Variants in CDK19 observed in about 807,000 individuals in gnomAD.
CDK19 encodes the protein cyclin-dependent kinase 19.
In CDK19, 20 loss-of-function variants were observed where a neutral mutation model predicts 68.3. The ratio of observed to expected loss-of-function variants is 0.29; its 90% CI spans 0.21 to 0.43. The LOEUF (loss-of-function observed/expected upper bound fraction) is 0.43. Ranked by LOEUF, CDK19 falls within the 20% of genes least tolerant of loss-of-function variation. The pLI is 1.00. For missense variants in CDK19, 339 were observed against 623.5 expected, an observed-to-expected ratio of 0.54 and a Z score of 4.86; for synonymous variants, 221 against 222.8, an observed-to-expected ratio of 0.99 and a Z score of 0.07.
chr6:110,710,602 T>C (rs992469792), intron 2 of CDK19, among the ~76,000 whole-genome samples: 6 of 152,220 alleles, frequency 3.9e-5, no homozygotes, highest in South Asian at 4.1e-4. Flanking sequence ...ACCAGGAGAT[T>C]TGCTGTCTGG....
intron 2 of CDK19, among the ~76,000 whole-genome samples, chr6:110,722,517 A>T (rs1214456935): frequency 6.6e-6 from 1 of 151,314 alleles, no homozygotes; most frequent in Non-Finnish European, 1.5e-5. Flanking sequence ...TAGGCAATAT[A>T]GTGAGATCTC....
chr6:110,773,941 T>C (rs1583069635), intron 1 of CDK19: 1 of 152,140 alleles, frequency 6.6e-6, no homozygotes, highest in East Asian at 1.9e-4. Context: ...CTGGAATCTA[T>C]GAACACAGCA....
intron 2 of CDK19, among the ~76,000 whole-genome samples, chr6:110,741,487 A>T (rs1039576079): frequency 3.3e-5 from 5 of 151,734 alleles, no homozygotes; most frequent in Admixed American, 1.3e-4. Flanking sequence ...AATAAATTAA[A>T]AAAAAAAAGA....
At chr6:110,619,619 C>G (rs1397280005) in intron 12 of CDK19, among the ~76,000 whole-genome samples, 1 of 151,710 alleles carries the variant, frequency 6.6e-6, no homozygotes, top group Non-Finnish European at 1.5e-5. Context: ...CAAAAATCCC[C>G]CACCTTTAAA....
intron 1 of CDK19, among the ~76,000 whole-genome samples, chr6:110,804,530 T>C (rs766332709): frequency 3.6e-4 from 54 of 151,656 alleles, no homozygotes; most frequent in Non-Finnish European, 5.0e-4. Context: ...TTGTATTTTT[T>C]AGTAGAGACG....
chr6:110,814,379 G>C (rs1783393811), intron 1 of CDK19, among the ~76,000 whole-genome samples: 2 of 152,252 alleles, frequency 1.3e-5, no homozygotes, highest in Admixed American at 6.5e-5. Context: ...TTCAGAATGT[G>C]AGAATGAGAA....
chr6:110,744,658 C>T (rs1178837082), intron 2 of CDK19, among the ~76,000 whole-genome samples: 1 of 152,184 alleles, frequency 6.6e-6, no homozygotes, highest in Non-Finnish European at 1.5e-5. Context: ...ATGTCAGACA[C>T]TATGGTAGGA....
chr6:110,688,790 C>T (rs374550118), intron 2 of CDK19, among the ~76,000 whole-genome samples: 9 of 152,302 alleles, frequency 5.9e-5, no homozygotes, highest in South Asian at 2.1e-4. Flanking sequence ...CAGGGGACCT[C>T]GTGGAAGTCA....
intron 2 of CDK19, among the ~76,000 whole-genome samples, chr6:110,711,609 G>A (rs1394569458): frequency 6.6e-6 from 1 of 152,174 alleles, no homozygotes; most frequent in East Asian, 1.9e-4. Context: ...TAAGTCAAAG[G>A]AAAATATCAG....
intron 4 of CDK19, among the ~76,000 whole-genome samples, chr6:110,666,424 CAAAAAAAAAAAAAAAAAAAA>C (rs57791161): frequency 2.1e-5 from 1 of 47,928 alleles, no homozygotes; most frequent in Non-Finnish European, 4.1e-5. Context: ...GACTCTGTCT[CAAAAAAAAAAAAAAAAAAAA>C]AAAAAAAAAA....
intron 1 of CDK19, among the ~76,000 whole-genome samples, chr6:110,784,103 G>A (rs1163878783): frequency 1.6e-5 from 2 of 127,784 alleles, no homozygotes; most frequent in African/African-American, 3.1e-5. Flanking sequence ...AGGCTGCAGC[G>A]AACCAAGATC....
At chr6:110,719,875 C>T (rs551386148) in intron 2 of CDK19, among the ~76,000 whole-genome samples, 3 of 151,988 alleles carry the variant, frequency 2.0e-5, no homozygotes, top group South Asian at 4.2e-4. Flanking sequence ...GGATTACAGG[C>T]ATGCGCCACC....
At chr6:110,617,705 A>AC (rs1778422939) in intron 12 of CDK19, among the ~76,000 whole-genome samples, 3 of 143,964 alleles carry the variant, frequency 2.1e-5, no homozygotes, top group African/African-American at 5.1e-5. Flanking sequence ...ACACACACAC[A>AC]AATTAGCCGG....
intron 2 of CDK19, among the ~76,000 whole-genome samples, chr6:110,717,295 A>G (rs1303278218): frequency 6.6e-6 from 1 of 152,078 alleles, no homozygotes; most frequent in Non-Finnish European, 1.5e-5. Flanking sequence ...ATATACATTG[A>G]TATATTTTGA....
chr6:110,698,383 T>C (rs555592842), intron 2 of CDK19, among the ~76,000 whole-genome samples: 2 of 150,274 alleles, frequency 1.3e-5, no homozygotes, highest in Middle Eastern at 3.4e-3. Flanking sequence ...GATATACAAA[T>C]GGTCAATAAA....
intron 2 of CDK19, among the ~76,000 whole-genome samples, chr6:110,732,189 A>G (rs932839575): frequency 1.3e-5 from 2 of 151,726 alleles, no homozygotes; most frequent in African/African-American, 4.8e-5. Context: ...CAATTCCTCC[A>G]TTTTTACAAA....
At chr6:110,668,113 T>C (rs886205337) in intron 3 of CDK19, among the ~76,000 whole-genome samples, 3 of 152,176 alleles carry the variant, frequency 2.0e-5, no homozygotes, top group African/African-American at 7.2e-5. Flanking sequence ...TTCGATCCCA[T>C]TGAAATAAAT....
At chr6:110,701,772 A>G (rs1175975373) in intron 2 of CDK19, among the ~76,000 whole-genome samples, 1 of 152,174 alleles carries the variant, frequency 6.6e-6, no homozygotes, top group Non-Finnish European at 1.5e-5. Flanking sequence ...AGCATCAATA[A>G]GGAACTGGTT....
intron 2 of CDK19, among the ~76,000 whole-genome samples, chr6:110,730,343 G>C (rs760836694): frequency 6.6e-6 from 1 of 152,188 alleles, no homozygotes; most frequent in Non-Finnish European, 1.5e-5. Context: ...GAGACTACCA[G>C]TAATCTAACA....
Sources: gnomAD v4.1 joint callset for allele counts (sites outside exome capture counted in the v4.1 genomes callset) on GRCh38, gnomAD v4.1.1 for gene constraint, MANE v1.5 for transcripts, NCBI Gene and HGNC (gene_info 2026-07-23, HGNC 2026-07-21) for gene names.